Variants in CHRM3 observed in about 807,000 individuals in gnomAD.
CHRM3 encodes the protein muscarinic acetylcholine receptor M3.
Under a neutral mutation model 41.8 loss-of-function variants are expected in CHRM3, and 11 were observed. The observed-to-expected ratio is 0.26, with a 90% CI of 0.17 to 0.44. The LOEUF (loss-of-function observed/expected upper bound fraction) is 0.44, where lower values mean the gene tolerates loss of function less well. Ranked by LOEUF, CHRM3 falls within the 20% of genes least tolerant of loss-of-function variation. The pLI is 1.00. For missense variants in CHRM3, 571 were observed against 745.4 expected (o/e 0.77, Z 2.72); for synonymous variants, 297 against 301.4 (o/e 0.99, Z 0.15).
At chr1:239,720,752 G>T (rs1246059534) in intron 5 of CHRM3, among the ~76,000 whole-genome samples, 2 of 151,918 alleles carry the variant, frequency 1.3e-5, no homozygotes, top group African/African-American at 4.8e-5. Flanking sequence ...TGTAATTCAT[G>T]TTGGAAATCA....
At chr1:239,744,507 T>G (rs575676408) in intron 5 of CHRM3, among the ~76,000 whole-genome samples, 2 of 151,892 alleles carry the variant, frequency 1.3e-5, no homozygotes, top group Non-Finnish European at 2.9e-5. Context: ...GAGGGACCTT[T>G]CAGGTAAGGG....
At chr1:239,458,300 G>C (rs1418545090) in intron 1 of CHRM3, among the ~76,000 whole-genome samples, 1 of 152,048 alleles carries the variant, frequency 6.6e-6, no homozygotes, top group African/African-American at 2.4e-5. Flanking sequence ...ATGTGACTGT[G>C]TTTCCAGGCA....
At chr1:239,551,355 T>C (rs900489735) in intron 3 of CHRM3, among the ~76,000 whole-genome samples, 2 of 151,394 alleles carry the variant, frequency 1.3e-5, no homozygotes, top group African/African-American at 4.9e-5. Flanking sequence ...AGAGACGGGG[T>C]TTCTCCATGT....
intron 3 of CHRM3, among the ~76,000 whole-genome samples, chr1:239,620,230 T>C (rs1343856711): frequency 6.6e-6 from 1 of 152,228 alleles, no homozygotes; most frequent in Non-Finnish European, 1.5e-5. Context: ...TAAAATTCTC[T>C]TTGTGAATAA....
chr1:239,622,166 A>G (rs1303584931), intron 3 of CHRM3, among the ~76,000 whole-genome samples: 9 of 152,140 alleles, frequency 5.9e-5, no homozygotes, highest in Admixed American at 2.6e-4. Context: ...CTGCTCAGAA[A>G]AAGATTCATT....
chr1:239,560,106 A>G (rs779742523), intron 3 of CHRM3, among the ~76,000 whole-genome samples: 2 of 152,338 alleles, frequency 1.3e-5, no homozygotes, highest in East Asian at 1.9e-4. Context: ...CACAGGAAAA[A>G]GTATTGAGAA....
At chr1:239,417,821 G>C (rs563390175) in intron 1 of CHRM3, among the ~76,000 whole-genome samples, 1 of 151,984 alleles carries the variant, frequency 6.6e-6, no homozygotes, top group East Asian at 1.9e-4. Context: ...AGCAACGAAA[G>C]AAAAAATAAT....
At chr1:239,710,405 T>A (rs1177782252) in intron 5 of CHRM3, among the ~76,000 whole-genome samples, 1 of 152,152 alleles carries the variant, frequency 6.6e-6, no homozygotes, top group Non-Finnish European at 1.5e-5. Flanking sequence ...ATTCCATATC[T>A]ATAGGCAGGC....
rs569746169 is a variant in CHRM3, at chr1:239,550,747, A to G, written c.-313+4998A>G. Among the ~76,000 whole-genome samples the G allele has an allele frequency of 1.2e-4, 19 of 152,266 alleles. No individual in the cohort carries two copies. In the South Asian group the frequency reaches 3.9e-3, roughly 32 times the overall value. Reference sequence around the variant, plus strand: ...ACTCTACTAACTACCTTCTTAATTTATCATTAAGCTCTATTGATTGATTGA... The same window carrying G: ...ACTCTACTAACTACCTTCTTAATTTGTCATTAAGCTCTATTGATTGATTGA... On this transcript the variant is annotated intron_variant, in intron 3 of 6. Coordinates refer to ENST00000676153, the MANE Select transcript of CHRM3 (RefSeq NM_001375978.1).
At chr1:239,856,598 A>G (rs1675141608) in intron 6 of CHRM3, among the ~76,000 whole-genome samples, 1 of 152,164 alleles carries the variant, frequency 6.6e-6, no homozygotes, top group East Asian at 1.9e-4. Context: ...AGTCTTGGGT[A>G]GTTCTTTATT....
intron 4 of CHRM3, among the ~76,000 whole-genome samples, chr1:239,662,667 A>G (rs1673318115): frequency 6.6e-6 from 1 of 152,172 alleles, no homozygotes; most frequent in Non-Finnish European, 1.5e-5. Context: ...GTAACTTGAC[A>G]GACCCAAGTT....
intron 1 of CHRM3, among the ~76,000 whole-genome samples, chr1:239,437,212 C>G (rs1235304077): frequency 6.6e-6 from 1 of 152,204 alleles, no homozygotes; most frequent in Non-Finnish European, 1.5e-5. Context: ...CTGCTGGGCT[C>G]GAGCAGTCCT....
intron 5 of CHRM3, among the ~76,000 whole-genome samples, chr1:239,726,704 A>C (rs1663471907): frequency 6.6e-6 from 1 of 151,906 alleles, no homozygotes; most frequent in Admixed American, 6.6e-5. Flanking sequence ...AAAATCCTTA[A>C]CAACCGCTGG....
intron 1 of CHRM3, among the ~76,000 whole-genome samples, chr1:239,479,842 A>T (rs976824824): frequency 6.6e-6 from 1 of 152,232 alleles, no homozygotes; most frequent in African/African-American, 2.4e-5. Context: ...GCTCTAGGTG[A>T]GTCAGTGAGT....
chr1:239,674,541 C>G (rs1330893596), intron 4 of CHRM3, among the ~76,000 whole-genome samples: 1 of 151,736 alleles, frequency 6.6e-6, no homozygotes, highest in East Asian at 1.9e-4. Context: ...AACCCCATCT[C>G]TACTGAAAAT....
chr1:239,576,584 A>ACACACACG (rs1378962824), intron 3 of CHRM3, among the ~76,000 whole-genome samples: 4 of 122,058 alleles, frequency 3.3e-5, no homozygotes, highest in African/African-American at 5.5e-5. Flanking sequence ...CTACACACAC[A>ACACACACG]CACACACACG....
intron 3 of CHRM3, among the ~76,000 whole-genome samples, chr1:239,599,282 C>T (rs1263731376): frequency 6.6e-6 from 1 of 152,164 alleles, no homozygotes; most frequent in African/African-American, 2.4e-5. Context: ...TGACACTCTT[C>T]CACAGTGACA....
intron 4 of CHRM3, among the ~76,000 whole-genome samples, chr1:239,673,066 G>A (rs1034919750): frequency 2.0e-5 from 3 of 152,210 alleles, no homozygotes; most frequent in Non-Finnish European, 4.4e-5. Context: ...AATTAGCTTC[G>A]GTTTCTTCAA....
intron 2 of CHRM3, among the ~76,000 whole-genome samples, chr1:239,532,812 A>C (rs539077066): frequency 1.3e-5 from 2 of 152,320 alleles, no homozygotes; most frequent in African/African-American, 4.8e-5. Context: ...AAATCTATGC[A>C]TAATCACCTC....
Sources: allele counts gnomAD v4.1 joint callset (sites outside exome capture counted in the v4.1 genomes callset), GRCh38; gene constraint gnomAD v4.1.1; transcripts MANE v1.5; gene names NCBI Gene and HGNC (gene_info 2026-07-23, HGNC 2026-07-21).